DPP10: variants seen among roughly 807,000 people sequenced by gnomAD.
DPP10 encodes the protein inactive dipeptidyl peptidase 10.
In DPP10, 33 loss-of-function variants were observed where a neutral mutation model predicts 120.9. The ratio of observed to expected loss-of-function variants is 0.27; its 90% confidence interval spans 0.21 to 0.37. DPP10 has a LOEUF of 0.37. Among genes scored for constraint, DPP10 ranks in the 10% least tolerant of loss-of-function variants. The pLI, the probability that DPP10 is intolerant of heterozygous loss-of-function variation, is 1.00. For missense variants in DPP10, 816 were observed against 942.8 expected (o/e 0.87, Z 1.76); for synonymous variants, 337 against 326.1 (o/e 1.03, Z -0.36).
intron 1 of DPP10, among the ~76,000 whole-genome samples, chr2:114,538,865 G>T (rs1271134027): frequency 1.3e-5 from 2 of 152,148 alleles, no homozygotes; most frequent in Admixed American, 6.6e-5. Context: ...GGCAAAAGAA[G>T]AGAATTCCCT....
intron 1 of DPP10, among the ~76,000 whole-genome samples, chr2:114,824,433 G>C (rs546080650): frequency 6.6e-6 from 1 of 152,234 alleles, no homozygotes; most frequent in South Asian, 2.1e-4. Context: ...ATGAGGGTTC[G>C]TTTTTGGCAA....
intron 1 of DPP10, among the ~76,000 whole-genome samples, chr2:115,101,988 T>C (rs558621481): frequency 6.6e-5 from 10 of 152,348 alleles, no homozygotes; most frequent in African/African-American, 1.7e-4. Flanking sequence ...GAAGTTAACA[T>C]AGAGTTACAT....
At chr2:115,238,395 T>G (rs2058104087) in intron 1 of DPP10, among the ~76,000 whole-genome samples, 1 of 152,168 alleles carries the variant, frequency 6.6e-6, no homozygotes, top group Admixed American at 6.5e-5. Flanking sequence ...ACCCAAGAGC[T>G]CTGATGGAGA....
At chr2:115,684,557 T>A (rs13407783) in intron 5 of DPP10, among the ~76,000 whole-genome samples, 7,832 of 151,862 alleles carry the variant, frequency 0.052, 683 homozygotes, top group African/African-American at 0.18. Context: ...CCATGGCAAA[T>A]CCATAATCCT....
intron 1 of DPP10, among the ~76,000 whole-genome samples, chr2:115,003,189 A>C (rs996210388): frequency 6.6e-6 from 1 of 151,402 alleles, no homozygotes; most frequent in African/African-American, 2.4e-5. Flanking sequence ...AAAAAAAAAA[A>C]AAACAATGAA....
At chr2:115,138,891 G>T (rs1167314951) in intron 1 of DPP10, among the ~76,000 whole-genome samples, 1 of 152,102 alleles carries the variant, frequency 6.6e-6, no homozygotes, top group Non-Finnish European at 1.5e-5. Flanking sequence ...TTGATTCACA[G>T]TCTGTAGTAA....
intron 2 of DPP10, among the ~76,000 whole-genome samples, chr2:115,312,945 C>G (rs964219789): frequency 6.6e-6 from 1 of 152,028 alleles, no homozygotes; most frequent in African/African-American, 2.4e-5. Context: ...GCAGTCAGGC[C>G]GGACGCGATG....
At chr2:114,542,338 G>C (rs933603494) in intron 1 of DPP10, among the ~76,000 whole-genome samples, 1 of 151,946 alleles carries the variant, frequency 6.6e-6, no homozygotes, top group Non-Finnish European at 1.5e-5. Flanking sequence ...ATGAGCCACC[G>C]TGCCTGGCCG....
intron 1 of DPP10, among the ~76,000 whole-genome samples, chr2:115,223,071 A>G (rs969735876): frequency 6.6e-6 from 1 of 152,204 alleles, no homozygotes; most frequent in African/African-American, 2.4e-5. Flanking sequence ...TTAGTATCTT[A>G]GGGGTTGGGG....
At chr2:115,343,937 T>A in intron 3 of DPP10, 25 bp downstream of exon 3, 1 of 1,545,842 alleles carries the variant, frequency 6.5e-7, no homozygotes, top group Non-Finnish European at 8.8e-7. Context: ...TTTTAAACAT[T>A]GTATTCATTT....
intron 1 of DPP10, among the ~76,000 whole-genome samples, chr2:115,192,936 C>T (rs2054988024): frequency 2.0e-5 from 3 of 151,538 alleles, no homozygotes; most frequent in East Asian, 3.9e-4. Flanking sequence ...ATTTCCTTTA[C>T]AATTAACGTT....
At chr2:114,847,488 T>A (rs1290779816) in intron 1 of DPP10, among the ~76,000 whole-genome samples, 3 of 152,192 alleles carry the variant, frequency 2.0e-5, no homozygotes, top group Non-Finnish European at 4.4e-5. Context: ...TTCTTAAGCA[T>A]CTTATCCATC....
At chr2:115,657,462 A>G (rs1484339386) in intron 5 of DPP10, among the ~76,000 whole-genome samples, 2 of 151,810 alleles carry the variant, frequency 1.3e-5, no homozygotes, top group Non-Finnish European at 3.0e-5. Flanking sequence ...TTCTCTTAAG[A>G]CATTATTTAA....
intron 7 of DPP10, among the ~76,000 whole-genome samples, chr2:115,722,190 C>T (rs915618519): frequency 6.6e-6 from 1 of 151,966 alleles, no homozygotes. Context: ...CAACATTATA[C>T]CTACAGTCAA....
chr2:115,262,237 C>G (rs2059283955), intron 1 of DPP10, among the ~76,000 whole-genome samples: 1 of 151,788 alleles, frequency 6.6e-6, no homozygotes, highest in Non-Finnish European at 1.5e-5. Flanking sequence ...ACTTACTGAT[C>G]ATTATATATC....
chr2:114,628,079 A>C (rs1412098306), intron 1 of DPP10, among the ~76,000 whole-genome samples: 2 of 152,138 alleles, frequency 1.3e-5, no homozygotes, highest in Admixed American at 1.3e-4. Flanking sequence ...ACTTTCAAAA[A>C]TTTCTATCAG....
At chr2:115,556,149 T>TGA (rs2080195630) in intron 5 of DPP10, among the ~76,000 whole-genome samples, 1 of 152,106 alleles carries the variant, frequency 6.6e-6, no homozygotes, top group Non-Finnish European at 1.5e-5. Flanking sequence ...TGCTTTTTAC[T>TGA]GAGTGGTAAA....
intron 5 of DPP10, among the ~76,000 whole-genome samples, chr2:115,632,141 A>T (rs7608762): frequency 0.2 from 30,133 of 152,098 alleles, 3,877 homozygotes; most frequent in African/African-American, 0.35. Context: ...CTTCTTGTTG[A>T]ATTGAACCCT....
intron 1 of DPP10, among the ~76,000 whole-genome samples, chr2:114,811,457 A>T (rs969605119): frequency 2.0e-5 from 3 of 151,692 alleles, no homozygotes; most frequent in Non-Finnish European, 4.4e-5. Flanking sequence ...TACCACCACC[A>T]TCACCTCCAC....
Sources: gnomAD v4.1 joint callset for allele counts (sites outside exome capture counted in the v4.1 genomes callset) on GRCh38, gnomAD v4.1.1 for gene constraint, MANE v1.5 for transcripts, NCBI Gene and HGNC (gene_info 2026-07-23, HGNC 2026-07-21) for gene names.